The following CEP128 variants were observed in gnomAD, a reference collection of about 807,000 sequenced individuals.
CEP128 encodes centrosomal protein 128.
In CEP128, 132 loss-of-function variants were observed where a neutral mutation model predicts 156.7. The ratio of observed to expected loss-of-function variants is 0.84; its 90% CI spans 0.73 to 0.97. The LOEUF is 0.97. Ranked by LOEUF, CEP128 falls within the 50% of genes least tolerant of loss-of-function variation. CEP128 has a pLI of 0.00. For synonymous variants in CEP128, 469 were observed against 448.9 expected, an observed-to-expected ratio of 1.04 and a Z score of -0.57; for missense variants, 1,252 against 1,281.9, an observed-to-expected ratio of 0.98 and a Z score of 0.36.
At chr14:80,751,786 C>A (rs548456980) in intron 18 of CEP128, among the ~76,000 whole-genome samples, 2 of 152,126 alleles carry the variant, frequency 1.3e-5, no homozygotes, top group South Asian at 4.2e-4. Context: ...CCCGCTACCA[C>A]GCCTGGCTAA....
At chr14:80,835,755 T>C (rs12892149) in intron 12 of CEP128, among the ~76,000 whole-genome samples, 18,442 of 152,176 alleles carry the variant, frequency 0.12, 1,597 homozygotes, top group East Asian at 0.45. Context: ...TTGTGATTAA[T>C]TTTTGTCACC....
intron 23 of CEP128, among the ~76,000 whole-genome samples, chr14:80,508,209 C>T (rs1052365240): frequency 3.9e-5 from 6 of 152,194 alleles, no homozygotes; most frequent in Non-Finnish European, 7.3e-5. Flanking sequence ...AGCCACCGCG[C>T]CTGGCCTAAT....
At chr14:80,777,637 A>T (rs1201034497) in intron 16 of CEP128, among the ~76,000 whole-genome samples, 27 of 152,168 alleles carry the variant, frequency 1.8e-4, no homozygotes. Flanking sequence ...CTTCATTTCT[A>T]AATTTCTATT....
chr14:80,526,287 C>T (rs1222991192), intron 23 of CEP128, among the ~76,000 whole-genome samples: 1 of 151,938 alleles, frequency 6.6e-6, no homozygotes, highest in Non-Finnish European at 1.5e-5. Flanking sequence ...TGAGAGCTGC[C>T]CAAGGTCAAA....
intron 19 of CEP128, among the ~76,000 whole-genome samples, chr14:80,626,680 C>CCTTAACTT (rs112115038): frequency 0.055 from 8,313 of 152,112 alleles, 719 homozygotes; most frequent in African/African-American, 0.19. Context: ...CCTGCCAACA[C>CCTTAACTT]CTTAACTTTA....
downstream of CEP128, among the ~76,000 whole-genome samples, chr14:80,493,573 C>G (rs1887396523): frequency 6.6e-6 from 1 of 152,130 alleles, no homozygotes; most frequent in African/African-American, 2.4e-5. Flanking sequence ...AAAAGATGCC[C>G]AACCACAGAA....
chr14:80,527,703 C>T (rs1387188349), intron 22 of CEP128, among the ~76,000 whole-genome samples: 1 of 152,122 alleles, frequency 6.6e-6, no homozygotes, highest in Non-Finnish European at 1.5e-5. Context: ...AAATTGCTAC[C>T]TGTAAAACTA....
intron 19 of CEP128, among the ~76,000 whole-genome samples, chr14:80,588,288 C>T (rs1670806109): frequency 6.6e-6 from 1 of 152,044 alleles, no homozygotes; most frequent in South Asian, 2.1e-4. Context: ...ATGTCAAACA[C>T]CAACTGTTTC....
intron 2 of CEP128, among the ~76,000 whole-genome samples, chr14:80,937,107 C>G (rs1885850684): frequency 1.3e-5 from 2 of 152,244 alleles, no homozygotes; most frequent in South Asian, 4.2e-4. Context: ...TGCTTGAGCC[C>G]AAGCGTTCGA....
rs533753208 is a variant in CEP128, at chr14:80,676,370, A to G, written c.2806+66705T>C. Among the ~76,000 whole-genome samples, 30 of 152,034 alleles carry G rather than the reference A, an allele frequency of 2.0e-4. 1 individual carries two copies. In the South Asian group the frequency reaches 5.2e-3, roughly 26 times the overall value. Reference sequence around the variant, plus strand: ...TCCTAATTGTCTACTGCTGGTGAACATGTTTTATTGATTTTATATATTGAG... The same window carrying G: ...TCCTAATTGTCTACTGCTGGTGAACGTGTTTTATTGATTTTATATATTGAG... On this transcript the variant is annotated intron_variant, in intron 19 of 24. Coordinates refer to ENST00000555265, the MANE Select transcript of CEP128 (RefSeq NM_152446.5).
intron 19 of CEP128, among the ~76,000 whole-genome samples, chr14:80,584,929 G>A (rs576588428): frequency 9.2e-5 from 14 of 152,202 alleles, no homozygotes; most frequent in Non-Finnish European, 1.6e-4. Context: ...TGACATGTTC[G>A]TGTTTTCTTT....
chr14:80,741,824 T>A (rs1007664811), intron 19 of CEP128, among the ~76,000 whole-genome samples: 1 of 152,150 alleles, frequency 6.6e-6, no homozygotes, highest in African/African-American at 2.4e-5. Context: ...ATCAGTAGTT[T>A]CGCTGCCTTT....
chr14:80,923,643 T>A (rs576260627), intron 2 of CEP128, among the ~76,000 whole-genome samples: 1 of 152,300 alleles, frequency 6.6e-6, no homozygotes, highest in East Asian at 1.9e-4. Context: ...CCCAAGGTAA[T>A]CATCCTCAAA....
rs184381238 is a variant in CEP128 at position 80,848,089 on chromosome 14, G to A, written c.763-7321C>T. 2.6e-5 allele frequency among the ~76,000 whole-genome samples: 4 copies of A among 152,286 alleles called. No homozygotes were observed. The East Asian group carries it at 7.7e-4, about 29-fold the overall frequency. On this transcript the variant is annotated intron_variant, in intron 9 of 24. Coordinates refer to ENST00000555265, the MANE Select transcript of CEP128 (RefSeq NM_152446.5). Reference sequence around the variant, plus strand: ...ATAAAGCCTGCATTCTGCTCAAGGGGACAGATGGTTGACAAATAATGAAAG... The same window carrying A: ...ATAAAGCCTGCATTCTGCTCAAGGGAACAGATGGTTGACAAATAATGAAAG...
intron 6 of CEP128, among the ~76,000 whole-genome samples, chr14:80,903,744 A>T (rs1403335728): frequency 2.0e-5 from 3 of 152,148 alleles, no homozygotes; most frequent in African/African-American, 7.2e-5. Context: ...ATTTTTAAAA[A>T]TATTCAGCAA....
chr14:80,567,947 A>T (rs906742521), intron 20 of CEP128, among the ~76,000 whole-genome samples: 5 of 129,960 alleles, frequency 3.8e-5, no homozygotes, highest in African/African-American at 5.4e-5. Flanking sequence ...ATTTACATTT[A>T]AAAAAAAAAA....
At chr14:80,722,248 T>A (rs777398740) in intron 19 of CEP128, among the ~76,000 whole-genome samples, 1 of 152,108 alleles carries the variant, frequency 6.6e-6, no homozygotes, top group Non-Finnish European at 1.5e-5. Flanking sequence ...GTGTCACTAC[T>A]GAGAAACACC....
chr14:80,523,218 G>A (rs1196144380), intron 23 of CEP128, among the ~76,000 whole-genome samples: 2 of 152,204 alleles, frequency 1.3e-5, no homozygotes, highest in Non-Finnish European at 2.9e-5. Flanking sequence ...ACAGTTATTT[G>A]TCTGTCAACA....
chr14:80,908,801 G>T (rs1394828011), intron 4 of CEP128, among the ~76,000 whole-genome samples: 2 of 152,212 alleles, frequency 1.3e-5, no homozygotes, highest in South Asian at 2.1e-4. Flanking sequence ...CTAATAGAAA[G>T]TCAGGTTAGG....
Sources: allele counts gnomAD v4.1 joint callset (sites outside exome capture counted in the v4.1 genomes callset), GRCh38; gene constraint gnomAD v4.1.1; transcripts MANE v1.5; gene names NCBI Gene and HGNC (gene_info 2026-07-23, HGNC 2026-07-21).